Variants in SAFB observed in about 807,000 individuals in gnomAD.
SAFB encodes the protein scaffold attachment factor B, also known as scaffold attachment factor B1.
In SAFB, 15 loss-of-function variants were observed where a neutral mutation model predicts 101.6. That is an observed-to-expected ratio of 0.15 (90% CI 0.10 to 0.23). SAFB has a LOEUF of 0.23. Among genes scored for constraint, SAFB ranks in the 10% least tolerant of loss-of-function variants. SAFB has a pLI of 1.00. For missense variants in SAFB, 930 were observed against 1,104.1 expected, an observed-to-expected ratio of 0.84 and a Z score of 2.23; for synonymous variants, 449 against 407.5, an observed-to-expected ratio of 1.10 and a Z score of -1.23.
At chr19:5,644,035 T>G (rs1444468206) in intron 4 of SAFB, among the ~76,000 whole-genome samples, 2 of 152,118 alleles carry the variant, frequency 1.3e-5, no homozygotes, top group Admixed American at 6.6e-5. Flanking sequence ...TCACCTGGGT[T>G]GTTTTTGTTT....
At chr19:5,631,942 G>C (rs1393934448) in intron 2 of SAFB, among the ~76,000 whole-genome samples, 1 of 152,136 alleles carries the variant, frequency 6.6e-6, no homozygotes, top group Non-Finnish European at 1.5e-5. Flanking sequence ...AGCTACTCAG[G>C]AGACTGAGGT....
At chr19:5,642,856 C>T (rs536200985) in intron 4 of SAFB, among the ~76,000 whole-genome samples, 6 of 151,898 alleles carry the variant, frequency 4.0e-5, no homozygotes, top group Admixed American at 1.3e-4. Context: ...TTAGTAGAGA[C>T]GGTTTTCACC....
At chr19:5,657,511 A>G (rs949113468) in intron 14 of SAFB, among the ~76,000 whole-genome samples, 164 bp downstream of exon 14, 2 of 152,072 alleles carry the variant, frequency 1.3e-5, no homozygotes, top group African/African-American at 4.8e-5. Context: ...CTTTCATCCT[A>G]CGGCTCTTTT....
chr19:5,636,490 A>G (rs2053598717), intron 2 of SAFB, among the ~76,000 whole-genome samples: 1 of 152,028 alleles, frequency 6.6e-6, no homozygotes, highest in Non-Finnish European at 1.5e-5. Flanking sequence ...CAACTGACCA[A>G]AATATCATGT....
At position 5,661,453 on chromosome 19, in the gene SAFB, A is replaced by C. The variant is rs764936514; in HGVS notation, c.1863-65A>C. The C allele has an allele frequency of 1.3e-5, 21 of 1,587,818 alleles. No individual in the cohort carries two copies. In the Admixed American group the frequency reaches 3.6e-4, roughly 27 times the overall value. On this transcript the variant is annotated intron_variant, in intron 14 of 20. Transcript: ENST00000588852. The stretch of plus-strand genomic sequence containing the variant: ...GTCTGTGCGACCCAGCGTCTTACTT[A>C]AAGTCAGCCCTGGGACCTGGCTGGG...
Position 5,661,760 on chromosome 19 carries a change from A to G in SAFB, c.2105A>G (p.Tyr702Cys), listed in dbSNP as rs765557822. The stretch of plus-strand genomic sequence containing the variant: ...CTGAGGCGCCAGCAGGAACTGCGCT[A>G]TGAGCAGGAGCGGCGGCCCGCGGTG... The part of the protein sequence containing the change: ...EELRRQQELR[Y>C]EQERRPAVRR... Residue 702 changes from tyrosine (Y) to cysteine (C), a missense_variant, in exon 15 of 21, where the codon TAT (tyrosine) becomes TGT (cysteine). By Grantham distance (194) the Tyr-to-Cys change is radical (BLOSUM62 -2). Around this residue, in one of 7 missense-constraint regions of SAFB, gnomAD observed 318 missense variants for 342.6 expected, o/e 0.93. Transcript: ENST00000588852. 6.9e-6 allele frequency: 11 copies of G among 1,583,500 alleles called. No homozygotes were observed. In the East Asian group the frequency reaches 2.3e-4, roughly 33 times the overall value.
At chr19:5,649,862 A>C in intron 7 of SAFB, 64 bp from the exon 8 acceptor site, 1 of 1,452,420 alleles carries the variant, frequency 6.9e-7, no homozygotes, top group South Asian at 1.1e-5. Flanking sequence ...CACGAATTTT[A>C]TGGTTTTGAG....
chr19:5,635,482 C>T (rs2053576776), intron 2 of SAFB, among the ~76,000 whole-genome samples: 3 of 151,992 alleles, frequency 2.0e-5, no homozygotes, highest in Admixed American at 2.0e-4. Flanking sequence ...CTTAAGAGGA[C>T]AGTAGGGAAA....
At chr19:5,657,606 A>G (rs996164423) in intron 14 of SAFB, among the ~76,000 whole-genome samples, 2 of 152,054 alleles carry the variant, frequency 1.3e-5, no homozygotes, top group Non-Finnish European at 2.9e-5. Flanking sequence ...ACCTCGGCTC[A>G]CTGCAACCTC....
intron 14 of SAFB, among the ~76,000 whole-genome samples, chr19:5,661,112 A>C (rs918886739): frequency 6.6e-6 from 1 of 150,976 alleles, no homozygotes; most frequent in Non-Finnish European, 1.5e-5. Context: ...AGTAGAGACA[A>C]GAGTTTCACC....
At chr19:5,660,683 A>AGCC (rs2054177430) in intron 14 of SAFB, among the ~76,000 whole-genome samples, 1 of 143,466 alleles carries the variant, frequency 7.0e-6, no homozygotes, top group Non-Finnish European at 1.5e-5. Context: ...GTTCGAGAAC[A>AGCC]GCCTGGGCAA....
intron 14 of SAFB, 87 bp downstream of exon 14, chr19:5,657,434 G>A (rs2054088643): frequency 1.1e-6 from 1 of 877,226 alleles, no homozygotes; most frequent in South Asian, 1.5e-5. Context: ...GAGTTCCCTG[G>A]GGTGGGATAG....
intron 17 of SAFB, 48 bp from the exon 18 acceptor site, chr19:5,666,998 G>A: frequency 8.5e-7 from 1 of 1,183,110 alleles, no homozygotes; most frequent in Non-Finnish European, 1.3e-6. Context: ...TGGGGTCTGG[G>A]CGCTGACACT....
At chr19:5,661,146 C>G (rs565331225) in intron 14 of SAFB, among the ~76,000 whole-genome samples, 3 of 152,108 alleles carry the variant, frequency 2.0e-5, no homozygotes, top group East Asian at 3.9e-4. Flanking sequence ...TGGTCTCGAT[C>G]TCTTGACCTC....
At chr19:5,641,498 G>A in intron 2 of SAFB, 96 bp from the exon 3 acceptor site, 1 of 992,212 alleles carries the variant, frequency 1.0e-6, no homozygotes, top group Non-Finnish European at 1.6e-6. Flanking sequence ...TGTCTCAGAT[G>A]TTTATAAAGT....
At chr19:5,628,720 C>G (rs1001217762) in intron 2 of SAFB, among the ~76,000 whole-genome samples, 1 of 152,154 alleles carries the variant, frequency 6.6e-6, no homozygotes, top group South Asian at 2.1e-4. Context: ...GGGGTAAGTG[C>G]TGGGAGAACA....
chr19:5,635,147 A>T (rs1306008069), intron 2 of SAFB, among the ~76,000 whole-genome samples: 6 of 151,974 alleles, frequency 3.9e-5, no homozygotes, highest in East Asian at 1.9e-4. Context: ...TCAAAAAAAA[A>T]TTTTTTTTAC....
In SAFB at chr19:5,653,331, T is replaced by G. The variant is rs764732105; in HGVS notation, c.1444-7T>G. ...AAATGGGGGTAATACTTGATTCTCT[T>G]TTTCAGGCCAAAAATGAACCTGTGG... On this transcript the variant is annotated splice_polypyrimidine_tract_variant and splice_region_variant and intron_variant, in intron 10 of 20. Coordinates refer to ENST00000588852, the MANE Select transcript of SAFB (RefSeq NM_001201338.2). 3 of 1,613,970 alleles carry G rather than the reference T, an allele frequency of 1.9e-6. No individual in the cohort carries two copies.
chr19:5,629,309 T>C (rs1652099171), intron 2 of SAFB, among the ~76,000 whole-genome samples: 1 of 152,168 alleles, frequency 6.6e-6, no homozygotes. Context: ...CACACACCTG[T>C]AGTCCCAGCT....
Sources: allele counts gnomAD v4.1 joint callset (sites outside exome capture counted in the v4.1 genomes callset), GRCh38; gene constraint gnomAD v4.1.1; regional missense constraint gnomAD v4.1.1; transcripts MANE v1.5; gene names NCBI Gene and HGNC (gene_info 2026-07-23, HGNC 2026-07-21).